GMCL1: variants seen among roughly 807,000 people sequenced by gnomAD.
The protein encoded by GMCL1 is germ cell-less 1, spermatogenesis associated, also known as germ cell-less protein-like 1.
Under a neutral mutation model 75.5 loss-of-function variants are expected in GMCL1, and 54 were observed. The ratio of observed to expected loss-of-function variants is 0.71; its 90% CI spans 0.57 to 0.90. The LOEUF is 0.90. Among genes scored for constraint, GMCL1 ranks in the 40% least tolerant of loss-of-function variants. The pLI is 0.00. For missense variants in GMCL1, 537 were observed against 622.7 expected (o/e 0.86, Z 1.47); for synonymous variants, 210 against 209.6 (o/e 1.00, Z -0.02).
chr2:69,847,000 T>G (rs1228104482), intron 6 of GMCL1, among the ~76,000 whole-genome samples: 1 of 116,018 alleles, frequency 8.6e-6, no homozygotes, highest in Non-Finnish European at 1.6e-5. Context: ...GATTGGCTAA[T>G]TTTTTTTTTT....
chr2:69,837,378 C>T (rs1472944868), intron 1 of GMCL1, among the ~76,000 whole-genome samples, 169 bp from the exon 2 acceptor site: 1 of 152,088 alleles, frequency 6.6e-6, no homozygotes, highest in East Asian at 1.9e-4. Context: ...ATGTACTCTT[C>T]TAGACACAAG....
intron 1 of GMCL1, among the ~76,000 whole-genome samples, chr2:69,831,682 A>ACT (rs1372066381): frequency 6.6e-6 from 1 of 150,926 alleles, no homozygotes; most frequent in East Asian, 1.9e-4. Flanking sequence ...ATCATGACTC[A>ACT]CTCTACCTCG....
At chr2:69,830,240 A>G (rs1369979213) in intron 1 of GMCL1, 88 bp downstream of exon 1, 7 of 1,445,184 alleles carry the variant, frequency 4.8e-6, no homozygotes, top group Non-Finnish European at 6.5e-6. Context: ...TGCGGGGTGC[A>G]GCGCTCCCCA....
rs763030657 is a variant in GMCL1, at chr2:69,881,264, T to C, written c.*2260T>C. The C allele has an allele frequency of 6.6e-6, 1 of 152,230 alleles. No individual in the cohort carries two copies. Among genetic ancestry groups the C allele is most frequent in the Non-Finnish European group, 1.5e-5 (1 of 68,034 alleles). The allele number at this position is 152,230 out of a possible 1,614,324, so 9.4% of individuals were successfully genotyped here. On this transcript the variant is annotated 3_prime_UTR_variant, in exon 14 of 14. Transcript: ENST00000282570. ...ATAATTGTCAGGTAGTAATTCACAC[T>C]GGTAGTAAAGATGTGCTTTTGTTTT...
At chr2:69,876,429 T>C (rs913241033) in intron 13 of GMCL1, among the ~76,000 whole-genome samples, 2 of 152,130 alleles carry the variant, frequency 1.3e-5, no homozygotes, top group African/African-American at 4.8e-5. Flanking sequence ...GAACATGACA[T>C]AGTGTTGGTG....
At position 69,830,159 on chromosome 2, in the gene GMCL1, G is replaced by A. The variant is rs202139460; in HGVS notation, c.260+7G>A. 146 of 1,555,682 alleles carry A rather than the reference G, an allele frequency of 9.4e-5. No individual in the cohort carries two copies. The highest frequency in any genetic ancestry group is 1.6e-4 in the Admixed American group (8 of 51,538). Reference sequence around the variant, plus strand: ...TCCTCAACACCCCTCGAAGGTACGTGGGGGCACGCACCCGCGCGGACCCGG... The same window carrying A: ...TCCTCAACACCCCTCGAAGGTACGTAGGGGCACGCACCCGCGCGGACCCGG... On this transcript the variant is annotated splice_region_variant and intron_variant, in intron 1 of 13. Transcript: ENST00000282570.
At chr2:69,851,744 C>G (rs1675326736) in intron 8 of GMCL1, among the ~76,000 whole-genome samples, 1 of 152,150 alleles carries the variant, frequency 6.6e-6, no homozygotes, top group South Asian at 2.1e-4. Context: ...CCAGCCTGGA[C>G]AGCAGAGTGA....
At chr2:69,836,074 G>T (rs1185271720) in intron 1 of GMCL1, among the ~76,000 whole-genome samples, 2 of 152,120 alleles carry the variant, frequency 1.3e-5, no homozygotes, top group East Asian at 3.9e-4. Context: ...AGTGGAGAAG[G>T]CACTAGTTTC....
intron 2 of GMCL1, among the ~76,000 whole-genome samples, chr2:69,838,245 G>T (rs1318702449): frequency 6.9e-6 from 1 of 145,380 alleles, no homozygotes; most frequent in Non-Finnish European, 1.5e-5. Flanking sequence ...GCTGAGGCAG[G>T]AGAATTGCTT....
chr2:69,857,557 G>C (rs1331723648), intron 9 of GMCL1, among the ~76,000 whole-genome samples: 1 of 152,070 alleles, frequency 6.6e-6, no homozygotes, highest in Non-Finnish European at 1.5e-5. Flanking sequence ...AAAATGAAAA[G>C]GTATGTAAAT....
chr2:69,838,465 A>G (rs1439655503), intron 2 of GMCL1, among the ~76,000 whole-genome samples: 3 of 151,770 alleles, frequency 2.0e-5, no homozygotes, highest in Non-Finnish European at 4.4e-5. Context: ...TTGAGGCACT[A>G]GAAATAAAAC....
intron 4 of GMCL1, among the ~76,000 whole-genome samples, chr2:69,842,352 A>G (rs1245892662): frequency 6.6e-6 from 1 of 152,184 alleles, no homozygotes; most frequent in African/African-American, 2.4e-5. Flanking sequence ...TTTTGTACTG[A>G]TTTATTTGAA....
At chr2:69,846,613 C>T (rs1275809661) in intron 6 of GMCL1, among the ~76,000 whole-genome samples, 3 of 152,150 alleles carry the variant, frequency 2.0e-5, no homozygotes, top group South Asian at 4.1e-4. Context: ...TAAAAACCCA[C>T]GTGCTCTCTT....
chr2:69,832,631 A>G (rs559416179), intron 1 of GMCL1, among the ~76,000 whole-genome samples: 1 of 152,274 alleles, frequency 6.6e-6, no homozygotes, highest in South Asian at 2.1e-4. Flanking sequence ...TTCACTTTTT[A>G]CCTGTGTATA....
rs144738716 is a variant in GMCL1, at chr2:69,859,405, A to G, written c.1073-1873A>G. Among the ~76,000 whole-genome samples, 1,022 of 151,950 alleles carry G rather than the reference A, an allele frequency of 6.7e-3. 12 individuals carry two copies. The highest frequency in any genetic ancestry group is 0.022 in the African/African-American group (907 of 41,514). ...TAATAGTTGCTACTAGTATTTACCTATGAAGACAAATTATCTGTACTAGAC... is the reference window on the plus strand; with the variant it reads ...TAATAGTTGCTACTAGTATTTACCTGTGAAGACAAATTATCTGTACTAGAC... On this transcript the variant is annotated intron_variant, in intron 9 of 13. Coordinates refer to ENST00000282570, the MANE Select transcript of GMCL1 (RefSeq NM_178439.5).
rs151236843 is a variant in GMCL1, at chr2:69,877,492, A to G, written c.1453-1417A>G. On this transcript the variant is annotated intron_variant, in intron 13 of 13. Coordinates refer to ENST00000282570, the MANE Select transcript of GMCL1 (RefSeq NM_178439.5). ...ACATATCATCAAAACATTTGTCCTC[A>G]ACAAATTTGGTAAATGTGCCTTCAC... Among the ~76,000 whole-genome samples, 680 of 152,296 alleles carry G rather than the reference A, an allele frequency of 4.5e-3. 7 individuals carry two copies. The highest frequency in any genetic ancestry group is 0.014 in the African/African-American group (585 of 41,552).
At chr2:69,838,292 G>C (rs895030416) in intron 2 of GMCL1, among the ~76,000 whole-genome samples, 7 of 119,644 alleles carry the variant, frequency 5.9e-5, no homozygotes, top group African/African-American at 2.3e-4. Flanking sequence ...AGCTGAGATC[G>C]TACCACTGCA....
chr2:69,858,037 A>G (rs1014079078), intron 9 of GMCL1, among the ~76,000 whole-genome samples: 3 of 152,200 alleles, frequency 2.0e-5, no homozygotes, highest in African/African-American at 7.2e-5. Flanking sequence ...AATAAATTCA[A>G]TCTAATGTAT....
intron 13 of GMCL1, among the ~76,000 whole-genome samples, chr2:69,875,947 C>CCCAAAGTG (rs1676118422): frequency 6.6e-6 from 1 of 152,196 alleles, no homozygotes; most frequent in Admixed American, 6.5e-5. Flanking sequence ...ACCTCAGGCT[C>CCCAAAGTG]CCAAAGTGCT....
Sources: allele counts gnomAD v4.1 joint callset (sites outside exome capture counted in the v4.1 genomes callset), GRCh38; gene constraint gnomAD v4.1.1; transcripts MANE v1.5; gene names NCBI Gene and HGNC (gene_info 2026-07-23, HGNC 2026-07-21).